The following KIF13B variants were observed in gnomAD, a reference collection of about 807,000 sequenced individuals.
The protein encoded by KIF13B is kinesin-like protein KIF13B.
Under a neutral mutation model 222.0 loss-of-function variants are expected in KIF13B, and 127 were observed. The ratio of observed to expected loss-of-function variants is 0.57; its 90% CI spans 0.50 to 0.66. The LOEUF (loss-of-function observed/expected upper bound fraction) is 0.66, where lower values mean the gene tolerates loss of function less well. Ranked by LOEUF, KIF13B falls within the 30% of genes least tolerant of loss-of-function variation. KIF13B has a pLI of 0.00. For missense variants in KIF13B, 2,173 were observed against 2,379.0 expected, an observed-to-expected ratio of 0.91 and a Z score of 1.80; for synonymous variants, 976 against 919.0, an observed-to-expected ratio of 1.06 and a Z score of -1.12.
In KIF13B at chr8:29,109,467, G is replaced by A; in HGVS notation, c.4128C>T (p.Ser1376=). Residue 1376 remains serine, a synonymous_variant, in exon 34 of 40, where the codon AGC becomes AGT. Coordinates refer to ENST00000524189, the MANE Select transcript of KIF13B (RefSeq NM_015254.4). ...KEQLTGKGKL[S]RRSISSPNVN... is the part of the protein sequence containing the mutation. ...CATTTGGAGAACTGATACTCCTCCT[G>A]CTCAACTTTCCTTTTCCTGTTAACT... 1 of 1,613,880 alleles carries A rather than the reference G, an allele frequency of 6.2e-7. No homozygotes were observed. The highest frequency in any genetic ancestry group is 8.5e-7 in the Non-Finnish European group (1 of 1,179,782).
chr8:29,147,634 G>A (rs775111525), intron 16 of KIF13B, 32 bp from the exon 17 acceptor site: 17 of 1,470,608 alleles, frequency 1.2e-5, no homozygotes, highest in African/African-American at 2.8e-5. Context: ...ATACATGATC[G>A]AGAGTTACAA....
chr8:29,213,470 C>A (rs546706897), intron 2 of KIF13B, among the ~76,000 whole-genome samples: 1 of 152,264 alleles, frequency 6.6e-6, no homozygotes, highest in East Asian at 1.9e-4. Flanking sequence ...GGAATATGTT[C>A]AGGAAATGCA....
At position 29,146,453 on chromosome 8, in the gene KIF13B, A is replaced by G. The variant is rs775090180; in HGVS notation, c.2112T>C (p.Ala704=). ...NLLVREANYI[A]EELDKRTEYK... ...ATTCTGTTCTTTTATCCAGCTCCTC[A>G]GCAATGTAATTAGCTTCTCTCACCA... The change falls in exon 18 of 40, where the codon GCT becomes GCC. Residue 704 remains alanine, a synonymous_variant. Coordinates refer to ENST00000524189, the MANE Select transcript of KIF13B (RefSeq NM_015254.4). 1.9e-6 allele frequency: 3 copies of G among 1,613,776 alleles called. No homozygotes were observed. The highest frequency in any genetic ancestry group is 2.5e-6 in the Non-Finnish European group (3 of 1,179,794).
intron 30 of KIF13B, among the ~76,000 whole-genome samples, 197 bp downstream of exon 30, chr8:29,118,671 G>A (rs1315927202): frequency 6.6e-6 from 1 of 152,148 alleles, no homozygotes; most frequent in African/African-American, 2.4e-5. Context: ...CAAGTTACCA[G>A]GAAAGGAAGG....
intron 10 of KIF13B, among the ~76,000 whole-genome samples, chr8:29,172,319 C>T (rs551150275): frequency 2.6e-5 from 4 of 151,804 alleles, no homozygotes; most frequent in Non-Finnish European, 2.9e-5. Flanking sequence ...CCTGACCTGG[C>T]GATCCGCCTG....
chr8:29,198,592 G>C (rs910212868), intron 2 of KIF13B, among the ~76,000 whole-genome samples: 2 of 152,104 alleles, frequency 1.3e-5, no homozygotes, highest in Non-Finnish European at 2.9e-5. Context: ...CAAAGTGCTG[G>C]GATTGCAGGC....
chr8:29,152,263 T>C (rs1285185022), intron 14 of KIF13B, among the ~76,000 whole-genome samples: 6 of 152,212 alleles, frequency 3.9e-5, no homozygotes. Context: ...CTGTGAACAT[T>C]GCTGAAATGA....
At chr8:29,156,921 C>T (rs965413573) in intron 13 of KIF13B, among the ~76,000 whole-genome samples, 1 of 152,168 alleles carries the variant, frequency 6.6e-6, no homozygotes, top group Non-Finnish European at 1.5e-5. Context: ...CTCTTGTTCC[C>T]ATCTCCCCTA....
chr8:29,099,387 CTATTT>C (rs1808687950), intron 35 of KIF13B, 146 bp from the exon 36 acceptor site: 1 of 612,082 alleles, frequency 1.6e-6, no homozygotes, highest in African/African-American at 1.9e-5. Context: ...CTTTTTTTTT[CTATTT>C]TAAGAGACAG....
intron 2 of KIF13B, among the ~76,000 whole-genome samples, chr8:29,241,320 T>C (rs1815768687): frequency 6.6e-6 from 1 of 152,242 alleles, no homozygotes; most frequent in Admixed American, 6.5e-5. Flanking sequence ...GTGGTGCAGG[T>C]TGCACAATTC....
intron 30 of KIF13B, 25 bp from the exon 31 acceptor site, chr8:29,117,032 AG>A (rs1418448482): frequency 6.5e-6 from 10 of 1,528,196 alleles, no homozygotes; most frequent in Non-Finnish European, 8.8e-6. Context: ...GAGAGGAAAC[AG>A]GTTTCTCTCT....
chr8:29,256,740 T>C (rs756559429), intron 1 of KIF13B, among the ~76,000 whole-genome samples: 1 of 145,154 alleles, frequency 6.9e-6, no homozygotes, highest in Non-Finnish European at 1.5e-5. Flanking sequence ...AATGCTACAA[T>C]TACTACTTTT....
At chr8:29,126,724 C>A (rs1049377469) in intron 25 of KIF13B, among the ~76,000 whole-genome samples, 1 of 152,168 alleles carries the variant, frequency 6.6e-6, no homozygotes, top group African/African-American at 2.4e-5. Context: ...CTCATTTGAC[C>A]TTTTCGGGAA....
At chr8:29,119,634 G>A (rs1194761693) in intron 29 of KIF13B, among the ~76,000 whole-genome samples, 1 of 152,078 alleles carries the variant, frequency 6.6e-6, no homozygotes, top group Non-Finnish European at 1.5e-5. Flanking sequence ...ACTTTCTTAT[G>A]CATATGCCTG....
At chr8:29,086,987 T>C (rs1808073052) in intron 37 of KIF13B, among the ~76,000 whole-genome samples, 1 of 152,256 alleles carries the variant, frequency 6.6e-6, no homozygotes, top group Non-Finnish European at 1.5e-5. Context: ...AAGGTGCTGC[T>C]AAGTCCAGCA....
chr8:29,176,950 G>A (rs1203533624), intron 9 of KIF13B, among the ~76,000 whole-genome samples: 2 of 152,326 alleles, frequency 1.3e-5, no homozygotes, highest in Middle Eastern at 3.4e-3. Context: ...AAAGCTCAAC[G>A]TGGTTAGTAC....
chr8:29,082,796 A>T (rs1417729130), intron 37 of KIF13B, among the ~76,000 whole-genome samples: 1 of 152,236 alleles, frequency 6.6e-6, no homozygotes, highest in Non-Finnish European at 1.5e-5. Context: ...AGGATTAAGG[A>T]TGCTTAAAGA....
At chr8:29,247,594 C>T (rs570405787) in intron 1 of KIF13B, among the ~76,000 whole-genome samples, 133 of 151,840 alleles carry the variant, frequency 8.8e-4, no homozygotes, top group Non-Finnish European at 1.7e-3. Flanking sequence ...TTTGAGAGAC[C>T]AAATTGGGAG....
intron 8 of KIF13B, among the ~76,000 whole-genome samples, chr8:29,178,379 T>C (rs1269691568): frequency 1.3e-5 from 2 of 152,166 alleles, no homozygotes; most frequent in African/African-American, 4.8e-5. Flanking sequence ...CCATTTCATG[T>C]CAGGTGTTAT....
Sources: allele counts gnomAD v4.1 joint callset (sites outside exome capture counted in the v4.1 genomes callset), GRCh38; gene constraint gnomAD v4.1.1; transcripts MANE v1.5; gene names NCBI Gene and HGNC (gene_info 2026-07-23, HGNC 2026-07-21).